The following PLEKHA5 variants were observed in gnomAD, a reference collection of about 807,000 sequenced individuals.
PLEKHA5 encodes pleckstrin homology domain containing A5.
In PLEKHA5, 55 loss-of-function variants were observed where a neutral mutation model predicts 181.9. The observed-to-expected ratio is 0.30, with a 90% CI of 0.24 to 0.38. The LOEUF is 0.38. Ranked by LOEUF, PLEKHA5 falls within the 10% of genes least tolerant of loss-of-function variation. The probability of loss-of-function intolerance (pLI) is 1.00; values close to 1 mark genes in which losing one functional copy is unlikely to be tolerated. For missense variants in PLEKHA5, 1,432 were observed against 1,549.5 expected (o/e 0.92, Z 1.27); for synonymous variants, 535 against 529.4 (o/e 1.01, Z -0.15).
intron 3 of PLEKHA5, among the ~76,000 whole-genome samples, chr12:19,187,169 C>T (rs947075999): frequency 6.6e-6 from 1 of 152,042 alleles, no homozygotes; most frequent in Non-Finnish European, 1.5e-5. Flanking sequence ...TCCAAAAGCC[C>T]GCTTTTGCTA....
At chr12:19,141,603 G>C (rs2037328705) in intron 3 of PLEKHA5, among the ~76,000 whole-genome samples, 1 of 152,226 alleles carries the variant, frequency 6.6e-6, no homozygotes, top group African/African-American at 2.4e-5. Flanking sequence ...TTTTTGCCTT[G>C]TGTTGCAGAA....
At chr12:19,337,945 C>A (rs1051856034) in intron 21 of PLEKHA5, among the ~76,000 whole-genome samples, 4 of 151,522 alleles carry the variant, frequency 2.6e-5, no homozygotes, top group Admixed American at 1.3e-4. Flanking sequence ...GCAGGAGAAT[C>A]GCTTGAACCC....
chr12:19,213,573 G>A (rs1469404890), intron 3 of PLEKHA5, among the ~76,000 whole-genome samples: 1 of 152,118 alleles, frequency 6.6e-6, no homozygotes, highest in African/African-American at 2.4e-5. Flanking sequence ...GAGCAGAACA[G>A]GACAAATTGC....
rs1359697638 is a variant in PLEKHA5 at position 19,283,664 on chromosome 12, A to G, written c.1698A>G (p.Arg566=). Residue 566 remains arginine (R), a synonymous_variant, in exon 12 of 32, where the codon CGA becomes CGG. Coordinates refer to ENST00000429027, the MANE Select transcript of PLEKHA5 (RefSeq NM_001256470.2). ...IAAYQGYSPQ[R]TYRSEVSSPI... ...CTTATCAGGGATACTCCCCTCAACG[A>G]ACTTACAGATCGGAAGTGTCTTCAC... is the stretch of plus-strand genomic sequence containing the variant. 1 of 1,614,042 alleles carries G rather than the reference A, an allele frequency of 6.2e-7. No homozygotes were observed. The highest frequency in any genetic ancestry group is 1.3e-5 in the African/African-American group (1 of 74,926).
chr12:19,219,807 A>G (rs915970387), intron 3 of PLEKHA5, among the ~76,000 whole-genome samples: 1 of 152,062 alleles, frequency 6.6e-6, no homozygotes, highest in African/African-American at 2.4e-5. Context: ...ATCTTTATAT[A>G]ATTGGTTTTG....
At chr12:19,331,629 C>T (rs925815372) in intron 20 of PLEKHA5, among the ~76,000 whole-genome samples, 1 of 152,106 alleles carries the variant, frequency 6.6e-6, no homozygotes, top group African/African-American at 2.4e-5. Flanking sequence ...TTCACTTTCT[C>T]CCCCGCACAG....
chr12:19,339,795 A>G lies in PLEKHA5; in HGVS notation c.2550+3179A>G, dbSNP rs145500694. On this transcript the variant is annotated intron_variant, in intron 21 of 31. Coordinates refer to ENST00000429027, the MANE Select transcript of PLEKHA5 (RefSeq NM_001256470.2). The stretch of plus-strand genomic sequence containing the variant: ...ACTCTGGGTCTCAGTTTCCACAACT[A>G]TAAAATAAAATAATACCTACTCCTG... Among the ~76,000 whole-genome samples, 340 of 152,320 alleles carry G rather than the reference A, an allele frequency of 2.2e-3. 1 individual carries two copies. Among genetic ancestry groups the G allele is most frequent in the African/African-American group, 7.9e-3 (328 of 41,574 alleles).
At chr12:19,342,437 A>C (rs1490826527) in intron 21 of PLEKHA5, among the ~76,000 whole-genome samples, 1 of 152,050 alleles carries the variant, frequency 6.6e-6, no homozygotes, top group Admixed American at 6.6e-5. Flanking sequence ...AGAGCGGATC[A>C]CCTGAGGTCA....
chr12:19,329,371 C>G (rs905934318), intron 20 of PLEKHA5, among the ~76,000 whole-genome samples: 7 of 152,066 alleles, frequency 4.6e-5, no homozygotes, highest in Admixed American at 3.9e-4. Context: ...AAAGAGGAGA[C>G]CCTCCTCCTT....
At chr12:19,277,033 A>C (rs1193881164) in intron 11 of PLEKHA5, among the ~76,000 whole-genome samples, 4 of 152,210 alleles carry the variant, frequency 2.6e-5, no homozygotes, top group African/African-American at 9.6e-5. Context: ...GCATAGATGA[A>C]TAAAAATTAG....
chr12:19,188,589 A>G (rs1591989908), intron 3 of PLEKHA5, among the ~76,000 whole-genome samples: 1 of 152,246 alleles, frequency 6.6e-6, no homozygotes, highest in East Asian at 1.9e-4. Flanking sequence ...GCAATGGCCA[A>G]CTTAGAGTAA....
In PLEKHA5 at chr12:19,323,016, A is replaced by ATTTTT. The variant is rs538132540; in HGVS notation, c.2448+371_2448+375dup. Among the ~76,000 whole-genome samples, 690 of 92,726 alleles carry ATTTTT rather than the reference A, an allele frequency of 7.4e-3. 29 individuals carry two copies. The highest frequency in any genetic ancestry group is 0.02 in the African/African-American group (454 of 23,124). The allele number at this position is 92,726 out of a possible 152,430, so 60.8% of individuals were successfully genotyped here. ...GGCTGGCACTACTACACCTGGCTAG[A>ATTTTT]TTTTTTTTTTTTTTTTTTTTTTTTT... On this transcript the variant is annotated intron_variant, in intron 20 of 31. Coordinates refer to ENST00000429027, the MANE Select transcript of PLEKHA5 (RefSeq NM_001256470.2).
At chr12:19,314,954 TTTTGA>T in intron 16 of PLEKHA5, 60 bp downstream of exon 16, 3 of 844,574 alleles carry the variant, frequency 3.6e-6, no homozygotes, top group Non-Finnish European at 6.0e-6. Context: ...TCAGTGACAG[TTTTGA>T]TTTATTCTCA....
Position 19,247,070 on chromosome 12 carries a change from C to A in PLEKHA5, c.228-6870C>A, listed in dbSNP as rs576336652. Among the ~76,000 whole-genome samples the A allele has an allele frequency of 6.6e-5, 10 of 152,238 alleles. 1 individual carries two copies. Among genetic ancestry groups the A allele is most frequent in the South Asian group, 4.1e-4 (2 of 4,820 alleles). ...TGGTTATGATGTTTTTTAAGGAATGCCATTGGCATCCTCCTTTGTATGTCT... is the reference window on the plus strand; with the variant it reads ...TGGTTATGATGTTTTTTAAGGAATGACATTGGCATCCTCCTTTGTATGTCT... On this transcript the variant is annotated intron_variant, in intron 3 of 31. Transcript: ENST00000429027.
At chr12:19,366,198 T>C in intron 30 of PLEKHA5, 89 bp downstream of exon 30, 2 of 1,105,998 alleles carry the variant, frequency 1.8e-6, no homozygotes, top group Non-Finnish European at 2.7e-6. Context: ...AAGAAGGGAA[T>C]CGCTTAAGTA....
At chr12:19,326,922 T>C (rs979729339) in intron 20 of PLEKHA5, among the ~76,000 whole-genome samples, 3 of 152,220 alleles carry the variant, frequency 2.0e-5, no homozygotes, top group Non-Finnish European at 4.4e-5. Flanking sequence ...GGTTGTGTAG[T>C]ACCGTGGTAT....
At chr12:19,366,519 TG>T (rs1297577387) in intron 30 of PLEKHA5, among the ~76,000 whole-genome samples, 4 of 152,042 alleles carry the variant, frequency 2.6e-5, no homozygotes, top group African/African-American at 9.7e-5. Flanking sequence ...CCGGGCATGG[TG>T]GCAGCCACCT....
At chr12:19,308,137 T>G (rs1457715904) in intron 15 of PLEKHA5, among the ~76,000 whole-genome samples, 2 of 151,990 alleles carry the variant, frequency 1.3e-5, no homozygotes, top group East Asian at 3.9e-4. Context: ...CAGATTCCCC[T>G]AAAACAAAGA....
At chr12:19,241,690 A>G (rs1283730151) in intron 3 of PLEKHA5, among the ~76,000 whole-genome samples, 1 of 151,756 alleles carries the variant, frequency 6.6e-6, no homozygotes, top group African/African-American at 2.4e-5. Flanking sequence ...CAGGAGTTAG[A>G]GGTTGCAGTG....
Sources: allele counts gnomAD v4.1 joint callset (sites outside exome capture counted in the v4.1 genomes callset), GRCh38; gene constraint gnomAD v4.1.1; transcripts MANE v1.5; gene names NCBI Gene and HGNC (gene_info 2026-07-23, HGNC 2026-07-21).